GLIS1: variants seen among roughly 807,000 people sequenced by gnomAD.
GLIS1 encodes the protein zinc finger protein GLIS1.
Under a neutral mutation model 63.8 loss-of-function variants are expected in GLIS1, and 24 were observed. The observed-to-expected ratio is 0.38, with a 90% CI of 0.27 to 0.53. GLIS1 has a LOEUF of 0.53. Ranked by LOEUF, GLIS1 falls within the 20% of genes least tolerant of loss-of-function variation. The pLI is 0.85. For missense variants in GLIS1, 1,036 were observed against 1,074.1 expected, an observed-to-expected ratio of 0.96 and a Z score of 0.50; for synonymous variants, 450 against 482.5, an observed-to-expected ratio of 0.93 and a Z score of 0.88.
At chr1:53,629,722 G>T (rs1364455608) in intron 2 of GLIS1, among the ~76,000 whole-genome samples, 1 of 152,120 alleles carries the variant, frequency 6.6e-6, no homozygotes, top group Non-Finnish European at 1.5e-5. Flanking sequence ...CTCAAACCCC[G>T]TCATTCTCTT....
intron 2 of GLIS1, among the ~76,000 whole-genome samples, chr1:53,676,116 T>G (rs1439838167): frequency 1.3e-5 from 2 of 152,232 alleles, no homozygotes; most frequent in Non-Finnish European, 2.9e-5. Flanking sequence ...ACTTTGGGAT[T>G]CAGCAAATTA....
In GLIS1 at chr1:53,608,362, C is replaced by T. The variant is rs1645393098; in HGVS notation, c.260-8084G>A. Among the ~76,000 whole-genome samples, 4 of 152,336 alleles carry T rather than the reference C, an allele frequency of 2.6e-5. No homozygotes were observed. In the South Asian group the frequency reaches 8.3e-4, roughly 32 times the overall value. On this transcript the variant is annotated intron_variant, in intron 2 of 10. Coordinates refer to ENST00000628545, the MANE Select transcript of GLIS1 (RefSeq NM_001367484.1). ...CTTCCTTAGAGGCCTCATCTCCAAA[C>T]ACAGCCACACTGGGTGTTAGGGTTT...
intron 2 of GLIS1, among the ~76,000 whole-genome samples, chr1:53,697,963 G>A (rs1409735433): frequency 6.6e-6 from 1 of 152,122 alleles, no homozygotes; most frequent in East Asian, 1.9e-4. Context: ...ACAGAGCAGG[G>A]TTATTCTAGC....
At chr1:53,586,960 G>A (rs1325655786) in intron 4 of GLIS1, among the ~76,000 whole-genome samples, 1 of 135,828 alleles carries the variant, frequency 7.4e-6, no homozygotes, top group Non-Finnish European at 1.6e-5. Flanking sequence ...GCCATGTTAG[G>A]AACCACTGTT....
At chr1:53,509,810 T>TG (rs750100932) in intron 9 of GLIS1, 39 bp downstream of exon 9, 3 of 1,223,442 alleles carry the variant, frequency 2.5e-6, no homozygotes, top group Non-Finnish European at 2.1e-6. Context: ...AAGTGGGAAT[T>TG]GGGGGGTTAT....
intron 2 of GLIS1, among the ~76,000 whole-genome samples, chr1:53,675,347 G>A (rs1285424590): frequency 6.6e-6 from 1 of 152,094 alleles, no homozygotes; most frequent in African/African-American, 2.4e-5. Context: ...GCTCAGAGAG[G>A]GTATATGGCC....
intron 2 of GLIS1, among the ~76,000 whole-genome samples, chr1:53,706,904 T>G (rs929607765): frequency 6.6e-6 from 1 of 152,214 alleles, no homozygotes; most frequent in Non-Finnish European, 1.5e-5. Context: ...GTTTGCATAG[T>G]GCACGAAAAG....
chr1:53,731,294 A>C (rs1047791466), intron 2 of GLIS1, among the ~76,000 whole-genome samples: 2 of 152,198 alleles, frequency 1.3e-5, no homozygotes, highest in Admixed American at 6.5e-5. Context: ...CTAGTTCTGC[A>C]GGGGGAGAGG....
intron 4 of GLIS1, among the ~76,000 whole-genome samples, chr1:53,537,946 T>A (rs553449088): frequency 3.6e-4 from 55 of 152,370 alleles, no homozygotes; most frequent in Middle Eastern, 3.4e-3. Context: ...ACAACAATGA[T>A]GTGGATGGGA....
Position 53,737,992 on chromosome 1 carries a change from G to A in GLIS1, c.73C>T (p.Arg25Cys). The A allele has an allele frequency of 1.2e-5, 15 of 1,230,468 alleles. No individual in the cohort carries two copies. Among genetic ancestry groups the A allele is most frequent in the Non-Finnish European group, 1.5e-5 (15 of 987,116 alleles). 76.2% of individuals were successfully genotyped at this position (1,230,468 alleles called of 1,614,324 possible). The change falls in exon 2 of 11, where the codon CGC becomes TGC. Residue 25 changes from arginine to cysteine, a missense_variant. Transcript: ENST00000628545. ...TGCGCGCCGAGGCTGGCGGGGCCGC[G>A]GTCGGGGCCGGGCGCACCAGGGGCC... is the stretch of plus-strand genomic sequence containing the variant. Reference protein sequence around the residue: ...KEAPGAPGPDRGPASLGAHMA... With the variant: ...KEAPGAPGPDCGPASLGAHMA...
At chr1:53,629,176 G>C (rs1645626358) in intron 2 of GLIS1, among the ~76,000 whole-genome samples, 1 of 152,024 alleles carries the variant, frequency 6.6e-6, no homozygotes, top group South Asian at 2.1e-4. Context: ...TGCCAAGGAT[G>C]CAACCCCGCC....
chr1:53,592,206 G>C (rs766563691), intron 4 of GLIS1, among the ~76,000 whole-genome samples: 1 of 152,180 alleles, frequency 6.6e-6, no homozygotes, highest in Admixed American at 6.5e-5. Context: ...CTGACCCCTC[G>C]CTGGGCCCTG....
chr1:53,712,000 G>C (rs1646651924), intron 2 of GLIS1, among the ~76,000 whole-genome samples: 1 of 152,204 alleles, frequency 6.6e-6, no homozygotes, highest in Non-Finnish European at 1.5e-5. Flanking sequence ...CCCCAGCTCT[G>C]TTCTCATCCT....
chr1:53,575,897 G>A (rs1277489900), intron 4 of GLIS1, among the ~76,000 whole-genome samples: 1 of 152,112 alleles, frequency 6.6e-6, no homozygotes, highest in African/African-American at 2.4e-5. Context: ...AGATCAAAGA[G>A]GGCCCCAAGG....
chr1:53,550,428 C>G (rs555318527), intron 4 of GLIS1, among the ~76,000 whole-genome samples: 6 of 152,338 alleles, frequency 3.9e-5, no homozygotes, highest in Non-Finnish European at 7.3e-5. Flanking sequence ...CATGACAGTG[C>G]GTAGAGCGAA....
intron 2 of GLIS1, among the ~76,000 whole-genome samples, chr1:53,620,689 G>A (rs2100595183): frequency 6.6e-6 from 1 of 152,344 alleles, no homozygotes; most frequent in East Asian, 1.9e-4. Context: ...GGGGGTGGAA[G>A]GCGGGAGACT....
intron 2 of GLIS1, among the ~76,000 whole-genome samples, chr1:53,647,201 T>C (rs953832048): frequency 6.6e-6 from 1 of 152,238 alleles, no homozygotes; most frequent in African/African-American, 2.4e-5. Context: ...CAGCAGGTTC[T>C]TTTTGTCTGT....
chr1:53,619,585 G>A (rs554874637), intron 2 of GLIS1, among the ~76,000 whole-genome samples: 19 of 152,320 alleles, frequency 1.2e-4, no homozygotes, highest in South Asian at 1.0e-3. Flanking sequence ...TGACTTCTCC[G>A]GAATAACACA....
chr1:53,654,712 G>A (rs1288834500), intron 2 of GLIS1, among the ~76,000 whole-genome samples: 1 of 152,154 alleles, frequency 6.6e-6, no homozygotes, highest in Non-Finnish European at 1.5e-5. Context: ...TGCACTGAGG[G>A]TCCCAGGACT....
Sources: allele counts gnomAD v4.1 joint callset (sites outside exome capture counted in the v4.1 genomes callset), GRCh38; gene constraint gnomAD v4.1.1; transcripts MANE v1.5; gene names NCBI Gene and HGNC (gene_info 2026-07-23, HGNC 2026-07-21).